PTPRT: variants seen among roughly 807,000 people sequenced by gnomAD.
PTPRT encodes receptor-type tyrosine-protein phosphatase T.
In PTPRT, 56 loss-of-function variants were observed where a neutral mutation model predicts 176.8. That is an observed-to-expected ratio of 0.32 (90% CI 0.26 to 0.40). The LOEUF (loss-of-function observed/expected upper bound fraction) is 0.40, where lower values mean the gene tolerates loss of function less well. Ranked by LOEUF, PTPRT falls within the 10% of genes least tolerant of loss-of-function variation. PTPRT has a pLI of 1.00. For missense variants in PTPRT, 1,540 were observed against 1,908.2 expected (o/e 0.81, Z 3.60); for synonymous variants, 783 against 739.0 (o/e 1.06, Z -0.96).
At chr20:42,033,066 T>C in the PTPRT span, among the ~76,000 whole-genome samples, 1 of 152,120 alleles carries the variant, frequency 6.6e-6, no homozygotes, top group Non-Finnish European at 1.5e-5. Flanking sequence ...GAACATGTGA[T>C]GTATGTGTGG....
intron 11 of PTPRT, among the ~76,000 whole-genome samples, chr20:42,327,008 T>C (rs2057893001): frequency 1.3e-5 from 2 of 149,618 alleles, no homozygotes; most frequent in South Asian, 4.2e-4. Flanking sequence ...GGATATTAAG[T>C]TATATTATGA....
Position 42,282,496 on chromosome 20 carries a change from A to T in PTPRT, c.2169T>A (p.Ala723=), listed in dbSNP as rs2057157019. 1.2e-6 allele frequency: 2 copies of T among 1,610,886 alleles called. No homozygotes were observed. Among genetic ancestry groups the T allele is most frequent in the African/African-American group, 2.7e-5 (2 of 74,808 alleles). The change falls in exon 13 of 31, where the codon GCT becomes GCA. Residue 723 remains alanine, a synonymous_variant. Transcript: ENST00000373187. The part of the protein sequence containing the change: ...GETKINCVRL[A]TKGASTQNSN... Reference sequence around the variant, plus strand: ...AAGCAGATGCCAACATACCTTTTGTAGCCAGACGAACACAGTTGATTTTGG... The same window carrying T: ...AAGCAGATGCCAACATACCTTTTGTTGCCAGACGAACACAGTTGATTTTGG...
At chr20:42,419,621 C>A (rs759687463) in intron 9 of PTPRT, among the ~76,000 whole-genome samples, 4 of 152,080 alleles carry the variant, frequency 2.6e-5, no homozygotes, top group Admixed American at 6.5e-5. Context: ...CCCCCTCATG[C>A]CCTCTTTTCT....
At chr20:42,469,797 A>G (rs1312491594) in intron 8 of PTPRT, among the ~76,000 whole-genome samples, 2 of 147,718 alleles carry the variant, frequency 1.4e-5, no homozygotes, top group Non-Finnish European at 3.0e-5. Context: ...TCATCAAAGT[A>G]GACTGTGTAA....
chr20:42,058,161 G>C, the PTPRT span, among the ~76,000 whole-genome samples: 1 of 152,214 alleles, frequency 6.6e-6, no homozygotes, highest in African/African-American at 2.4e-5. Context: ...GATGACCAAT[G>C]AGAGCACTAT....
intron 7 of PTPRT, among the ~76,000 whole-genome samples, chr20:42,668,057 C>G (rs1335555416): frequency 6.6e-6 from 1 of 152,126 alleles, no homozygotes; most frequent in Non-Finnish European, 1.5e-5. Flanking sequence ...CATAGTTAGA[C>G]AGACTTGCTG....
At chr20:42,842,082 A>G (rs16985272) in intron 2 of PTPRT, among the ~76,000 whole-genome samples, 13,288 of 152,292 alleles carry the variant, frequency 0.087, 710 homozygotes, top group Admixed American at 0.15. Context: ...GTTTTGGCAT[A>G]AATCATTGTT....
intron 2 of PTPRT, among the ~76,000 whole-genome samples, chr20:42,863,715 C>A (rs900281304): frequency 6.6e-6 from 1 of 152,192 alleles, no homozygotes; most frequent in Non-Finnish European, 1.5e-5. Context: ...TGACTCCCTG[C>A]CCCCTAATTA....
At position 42,378,191 on chromosome 20, in the gene PTPRT, G is replaced by A. The variant is rs546838593; in HGVS notation, c.1561-25906C>T. On this transcript the variant is annotated intron_variant, in intron 9 of 30. Coordinates refer to ENST00000373187, the MANE Select transcript of PTPRT (RefSeq NM_007050.6). ...TGTAAGATCCCCAAGGAGAGGGACCGTGATGGTCTTGCTCAGCATTGCATT... is the reference window on the plus strand; with the variant it reads ...TGTAAGATCCCCAAGGAGAGGGACCATGATGGTCTTGCTCAGCATTGCATT... Among the ~76,000 whole-genome samples, 13 of 152,344 alleles carry A rather than the reference G, an allele frequency of 8.5e-5. No individual in the cohort carries two copies. The East Asian group carries it at 1.2e-3, about 14-fold the overall frequency.
At chr20:42,928,985 G>C (rs1363025997) in intron 1 of PTPRT, among the ~76,000 whole-genome samples, 1 of 152,182 alleles carries the variant, frequency 6.6e-6, no homozygotes, top group Non-Finnish European at 1.5e-5. Flanking sequence ...TAACAAAATG[G>C]CCAGGAGAAC....
At chr20:42,256,189 T>C (rs573543460) in intron 13 of PTPRT, among the ~76,000 whole-genome samples, 1 of 152,310 alleles carries the variant, frequency 6.6e-6, no homozygotes, top group South Asian at 2.1e-4. Flanking sequence ...CTGGGCAACT[T>C]TCTGGCTCTT....
intron 7 of PTPRT, among the ~76,000 whole-genome samples, chr20:42,596,662 C>T (rs756005068): frequency 7.9e-5 from 12 of 152,020 alleles, no homozygotes; most frequent in Non-Finnish European, 1.8e-4. Flanking sequence ...AAGAAAATGC[C>T]AAAAATAGGC....
At chr20:43,169,673 T>C (rs146639094) in intron 1 of PTPRT, among the ~76,000 whole-genome samples, 215 of 152,022 alleles carry the variant, frequency 1.4e-3, no homozygotes, top group African/African-American at 5.1e-3. Context: ...TACAGGTTGA[T>C]TTCTTCTAAA....
intron 1 of PTPRT, among the ~76,000 whole-genome samples, chr20:43,184,324 C>G (rs1035534434): frequency 6.6e-6 from 1 of 152,172 alleles, no homozygotes; most frequent in Non-Finnish European, 1.5e-5. Context: ...GATGGGGTTT[C>G]TGCACAGCCC....
At chr20:42,249,643 G>C (rs1361567872) in intron 13 of PTPRT, among the ~76,000 whole-genome samples, 1 of 152,204 alleles carries the variant, frequency 6.6e-6, no homozygotes. Flanking sequence ...GCTGATAAAG[G>C]TCAGGGCCAG....
At chr20:42,842,258 C>T (rs2078291271) in intron 2 of PTPRT, among the ~76,000 whole-genome samples, 1 of 152,108 alleles carries the variant, frequency 6.6e-6, no homozygotes, top group Non-Finnish European at 1.5e-5. Flanking sequence ...CCCAAAGCTC[C>T]AGGAGACATG....
chr20:42,707,000 T>C (rs1277867819), intron 6 of PTPRT, among the ~76,000 whole-genome samples: 2 of 152,080 alleles, frequency 1.3e-5, no homozygotes, highest in African/African-American at 2.4e-5. Flanking sequence ...ACTGGAGTAA[T>C]GAATCTACAA....
At chr20:42,801,857 C>A (rs1407775809) in intron 2 of PTPRT, among the ~76,000 whole-genome samples, 1 of 152,082 alleles carries the variant, frequency 6.6e-6, no homozygotes, top group Non-Finnish European at 1.5e-5. Flanking sequence ...TGTGGGGGGG[C>A]TAAAAGAAAT....
intron 7 of PTPRT, among the ~76,000 whole-genome samples, chr20:42,563,809 G>C (rs1281631220): frequency 6.6e-6 from 1 of 152,214 alleles, no homozygotes; most frequent in Non-Finnish European, 1.5e-5. Flanking sequence ...CCCACGGCAA[G>C]TGTTTGGAAG....
Sources: allele counts gnomAD v4.1 joint callset (sites outside exome capture counted in the v4.1 genomes callset), GRCh38; gene constraint gnomAD v4.1.1; transcripts MANE v1.5; gene names NCBI Gene and HGNC (gene_info 2026-07-23, HGNC 2026-07-21).